CNTN3: variants seen among roughly 807,000 people sequenced by gnomAD.
CNTN3 encodes the protein contactin 3, also known as contactin-3.
Under a neutral mutation model 119.1 loss-of-function variants are expected in CNTN3, and 60 were observed. That is an observed-to-expected ratio of 0.50 (90% CI 0.41 to 0.62). CNTN3 has a LOEUF of 0.62. CNTN3 is among the 20% of genes least tolerant of loss of function. The pLI, the probability that CNTN3 is intolerant of heterozygous loss-of-function variation, is 0.00. For synonymous variants in CNTN3, 450 were observed against 438.7 expected (o/e 1.03, Z -0.32); for missense variants, 1,101 against 1,242.4 (o/e 0.89, Z 1.71).
At chr3:74,451,008 T>C (rs1242365590) in intron 4 of CNTN3, among the ~76,000 whole-genome samples, 1 of 152,162 alleles carries the variant, frequency 6.6e-6, no homozygotes, top group Non-Finnish European at 1.5e-5. Flanking sequence ...GCATGATTTA[T>C]AGTCCTTTGG....
intron 5 of CNTN3, among the ~76,000 whole-genome samples, chr3:74,416,713 C>A (rs150013349): frequency 3.3e-5 from 5 of 152,062 alleles, no homozygotes; most frequent in African/African-American, 1.2e-4. Flanking sequence ...ACCAGCTGGG[C>A]GCAGTGGCTC....
At chr3:74,284,940 G>A (rs1039496883) in intron 20 of CNTN3, among the ~76,000 whole-genome samples, 16 of 152,074 alleles carry the variant, frequency 1.1e-4, no homozygotes, top group Admixed American at 2.6e-4. Context: ...CTGATTCTTC[G>A]GCATTAATTT....
chr3:74,451,529 T>C (rs1702155825), intron 4 of CNTN3, among the ~76,000 whole-genome samples: 1 of 152,168 alleles, frequency 6.6e-6, no homozygotes, highest in Non-Finnish European at 1.5e-5. Flanking sequence ...TTAGATCCCA[T>C]TTGTCAATTT....
intron 20 of CNTN3, among the ~76,000 whole-genome samples, chr3:74,273,681 A>G (rs1701825733): frequency 6.6e-6 from 1 of 152,188 alleles, no homozygotes; most frequent in Non-Finnish European, 1.5e-5. Context: ...TGGGTCCCCA[A>G]GCAGGCCACT....
intron 1 of CNTN3, among the ~76,000 whole-genome samples, chr3:74,530,663 G>A (rs578214994): frequency 1.3e-5 from 2 of 151,916 alleles, no homozygotes; most frequent in African/African-American, 4.8e-5. Flanking sequence ...TTTCCTGTGC[G>A]CCAGACACAC....
At chr3:74,523,820 C>T (rs1703577608) in intron 1 of CNTN3, among the ~76,000 whole-genome samples, 1 of 151,848 alleles carries the variant, frequency 6.6e-6, no homozygotes, top group African/African-American at 2.4e-5. Context: ...ATATTATAAA[C>T]TCTTATAAAT....
At chr3:74,329,926 CA>C (rs924927412) in intron 13 of CNTN3, among the ~76,000 whole-genome samples, 9 of 151,670 alleles carry the variant, frequency 5.9e-5, no homozygotes, top group African/African-American at 2.2e-4. Context: ...TAGATACAGG[CA>C]AAAAAAGAGA....
Position 74,295,206 on chromosome 3 carries a change from G to A in CNTN3, c.2432C>T (p.Ala811Val). 1.9e-6 allele frequency: 3 copies of A among 1,612,240 alleles called. No homozygotes were observed. Among genetic ancestry groups the A allele is most frequent in the East Asian group, 4.5e-5 (2 of 44,856 alleles). Reference protein sequence around the residue: ...EPTVAPSQVSANSLSSSEIEV... With the variant: ...EPTVAPSQVSVNSLSSSEIEV... ...AATTTCTGAGGAAGATAGGCTATTTGCAGAGACTTGAGATGGGGCCACTGT... is the reference window on the plus strand; with the variant it reads ...AATTTCTGAGGAAGATAGGCTATTTACAGAGACTTGAGATGGGGCCACTGT... The change falls in exon 19 of 23, where the codon GCA becomes GTA. Residue 811 changes from alanine (A) to valine (V), a missense_variant. Ala to Val is a moderately conservative substitution (Grantham distance 64). Transcript: ENST00000263665.
At chr3:74,569,374 C>T (rs760651181) in intron 1 of CNTN3, among the ~76,000 whole-genome samples, 8 of 152,098 alleles carry the variant, frequency 5.3e-5, no homozygotes, top group Non-Finnish European at 1.0e-4. Context: ...GTGTAATCTA[C>T]ACTCCAGAGA....
intron 10 of CNTN3, among the ~76,000 whole-genome samples, chr3:74,363,450 C>T (rs189287471): frequency 1.2e-3 from 187 of 152,272 alleles, no homozygotes; most frequent in Middle Eastern, 6.8e-3. Context: ...CTCTACCTCT[C>T]CACACCAACC....
chr3:74,489,108 C>T (rs61469247), intron 3 of CNTN3, among the ~76,000 whole-genome samples: 57,895 of 151,732 alleles, frequency 0.38, 12,379 homozygotes, highest in Non-Finnish European at 0.49. Context: ...ATTCACACTC[C>T]TTGTGAATAC....
intron 2 of CNTN3, among the ~76,000 whole-genome samples, chr3:74,512,766 A>C (rs2107107224): frequency 6.6e-6 from 1 of 150,566 alleles, no homozygotes; most frequent in Non-Finnish European, 1.5e-5. Flanking sequence ...CAGTAAAATT[A>C]TTCCTTAATG....
At chr3:74,517,451 G>A (rs888601148) in intron 2 of CNTN3, among the ~76,000 whole-genome samples, 11 of 151,820 alleles carry the variant, frequency 7.2e-5, no homozygotes, top group Admixed American at 1.3e-4. Flanking sequence ...TGAACTGTCC[G>A]TTCAGTAACA....
chr3:74,535,586 G>T (rs991362090), intron 1 of CNTN3, among the ~76,000 whole-genome samples: 1 of 152,052 alleles, frequency 6.6e-6, no homozygotes, highest in African/African-American at 2.4e-5. Context: ...ACTGAGAACA[G>T]GAGTGTGTGA....
chr3:74,532,435 T>C lies in CNTN3; in HGVS notation c.-80-11243A>G, dbSNP rs540901367. On this transcript the variant is annotated intron_variant, in intron 1 of 22. Coordinates refer to ENST00000263665, the MANE Select transcript of CNTN3 (RefSeq NM_020872.3). Reference sequence around the variant, plus strand: ...ATTCTTTCCTATATATACATACCTATGATAAAGTTTAATTTAGAAATAAGA... The same window carrying C: ...ATTCTTTCCTATATATACATACCTACGATAAAGTTTAATTTAGAAATAAGA... Among the ~76,000 whole-genome samples the C allele has an allele frequency of 1.3e-3, 197 of 152,082 alleles. 3 individuals carry two copies. Among genetic ancestry groups the C allele is most frequent in the Middle Eastern group, 0.01 (3 of 294 alleles).
At chr3:74,288,575 T>C (rs774975576) in intron 19 of CNTN3, among the ~76,000 whole-genome samples, 2 of 152,214 alleles carry the variant, frequency 1.3e-5, no homozygotes, top group African/African-American at 2.4e-5. Flanking sequence ...TTATGGCACA[T>C]TAATTACATT....
chr3:74,292,521 A>G (rs1702251572), intron 19 of CNTN3, among the ~76,000 whole-genome samples: 1 of 152,186 alleles, frequency 6.6e-6, no homozygotes, highest in Non-Finnish European at 1.5e-5. Context: ...AGCTGAGATC[A>G]TGCCACTGCA....
intron 2 of CNTN3, among the ~76,000 whole-genome samples, chr3:74,505,447 C>CGTGT (rs140722806): frequency 1.1e-4 from 16 of 148,820 alleles, no homozygotes; most frequent in African/African-American, 3.2e-4. Context: ...GAACACTATA[C>CGTGT]GTGTGTGTGT....
intron 5 of CNTN3, among the ~76,000 whole-genome samples, chr3:74,423,802 A>G (rs2106895492): frequency 6.6e-6 from 1 of 152,300 alleles, no homozygotes; most frequent in East Asian, 1.9e-4. Flanking sequence ...TTTTTTAATC[A>G]AGCTCCAAGT....
Sources: allele counts gnomAD v4.1 joint callset (sites outside exome capture counted in the v4.1 genomes callset), GRCh38; gene constraint gnomAD v4.1.1; transcripts MANE v1.5; gene names NCBI Gene and HGNC (gene_info 2026-07-23, HGNC 2026-07-21).